TIPRL: variants seen among roughly 807,000 people sequenced by gnomAD.
TIPRL encodes the protein TOR signaling pathway regulator.
A neutral mutation model predicts 32.3 loss-of-function variants in TIPRL; 10 were observed. That is an observed-to-expected ratio of 0.31 (90% confidence interval 0.19 to 0.52). The LOEUF (loss-of-function observed/expected upper bound fraction) is 0.52. Ranked by LOEUF, TIPRL falls within the 20% of genes least tolerant of loss-of-function variation. The pLI, the probability that TIPRL is intolerant of heterozygous loss-of-function variation, is 0.96. For synonymous variants in TIPRL, 100 were observed against 114.0 expected, an observed-to-expected ratio of 0.88 and a Z score of 0.78; for missense variants, 250 against 328.1, an observed-to-expected ratio of 0.76 and a Z score of 1.84.
At position 168,200,585 on chromosome 1, in the gene TIPRL, A is replaced by G. The variant is rs914849868; in HGVS notation, c.*539A>G. 4 of 144,606 alleles carry G rather than the reference A, an allele frequency of 2.8e-5. No homozygotes were observed. Among genetic ancestry groups the G allele is most frequent in the African/African-American group, 1.1e-4 (4 of 37,476 alleles). The allele number at this position is 144,606 out of a possible 1,614,324, so 9.0% of individuals were successfully genotyped here. A position where few individuals can be genotyped will look rare whatever the true frequency, so the allele number is the denominator to read the frequency against. ...AAATTTTAAAAATGTATTTCCCCCC[A>G]GTTTTAAATTGCCTTTGAAATTTAA... On this transcript the variant is annotated 3_prime_UTR_variant, in exon 7 of 7. Transcript: ENST00000367833.
intron 4 of TIPRL, chr1:168,192,142 C>A: frequency 7.3e-7 from 1 of 1,370,376 alleles, no homozygotes; most frequent in South Asian, 1.7e-5. Flanking sequence ...AGGTGGATGT[C>A]ATTTTTTAAA....
intron 3 of TIPRL, among the ~76,000 whole-genome samples, chr1:168,190,639 G>A (rs753160891): frequency 2.0e-5 from 3 of 152,176 alleles, no homozygotes; most frequent in Non-Finnish European, 4.4e-5. Context: ...TGAGCATTTT[G>A]TAGTGAAATT....
chr1:168,196,143 T>G (rs932204724), intron 4 of TIPRL, among the ~76,000 whole-genome samples: 8 of 152,224 alleles, frequency 5.3e-5, no homozygotes, highest in Non-Finnish European at 8.8e-5. Flanking sequence ...TTGCTTTGTT[T>G]TATGTAAAGT....
At chr1:168,192,396 C>T (rs1572435055) in intron 4 of TIPRL, 9 of 1,010,306 alleles carry the variant, frequency 8.9e-6, no homozygotes, top group Non-Finnish European at 1.1e-5. Context: ...AGAAAACACA[C>T]ATAACAAGTA....
chr1:168,184,229 A>G, intron 2 of TIPRL, 148 bp downstream of exon 2: 1 of 845,120 alleles, frequency 1.2e-6, no homozygotes. Flanking sequence ...ATCATTCTAG[A>G]ATTCGTTTTT....
chr1:168,179,708 C>A (rs1296414001), intron 1 of TIPRL, among the ~76,000 whole-genome samples: 1 of 152,112 alleles, frequency 6.6e-6, no homozygotes, highest in African/African-American at 2.4e-5. Flanking sequence ...CTTTTAGGGG[C>A]TCGAACCATC....
chr1:168,185,578 C>T (rs1033554378), intron 3 of TIPRL, among the ~76,000 whole-genome samples: 4 of 148,952 alleles, frequency 2.7e-5, no homozygotes, highest in Non-Finnish European at 5.9e-5. Flanking sequence ...CGAGACTAGC[C>T]TGACCAACAT....
At chr1:168,199,113 A>G in intron 6 of TIPRL, 132 bp downstream of exon 6, 2 of 634,972 alleles carry the variant, frequency 3.1e-6, no homozygotes, top group South Asian at 4.4e-5. Context: ...GGGGCTCTAT[A>G]GGATAAATTC....
rs183391126 is a variant in TIPRL at position 168,201,183 on chromosome 1, T to C, written c.*1137T>C. ...AAAATGGTTGTCATAAAGTGGAAAG[T>C]GATTAAAAAGCATCAAATAAGAAAT... is the stretch of plus-strand genomic sequence containing the variant. On this transcript the variant is annotated 3_prime_UTR_variant, in exon 7 of 7. Transcript: ENST00000367833. 6.4e-4 allele frequency: 97 copies of C among 152,262 alleles called. 1 individual carries two copies. The highest frequency in any genetic ancestry group is 2.3e-3 in the African/African-American group (95 of 41,560). The allele number at this position is 152,262 out of a possible 1,614,324, so 9.4% of individuals were successfully genotyped here. A position where few individuals can be genotyped will look rare whatever the true frequency, so the allele number is the denominator to read the frequency against.
chr1:168,197,122 T>C (rs759181922), intron 5 of TIPRL, among the ~76,000 whole-genome samples: 4 of 152,168 alleles, frequency 2.6e-5, no homozygotes, highest in Non-Finnish European at 5.9e-5. Context: ...GAGACCAGCC[T>C]GGCCAACATG....
At chr1:168,195,135 G>A (rs1198272619) in intron 4 of TIPRL, among the ~76,000 whole-genome samples, 2 of 152,208 alleles carry the variant, frequency 1.3e-5, no homozygotes, top group Non-Finnish European at 2.9e-5. Flanking sequence ...TCTCCAGGCA[G>A]TTAAGTCACT....
chr1:168,188,574 A>T (rs1700056266), intron 3 of TIPRL, among the ~76,000 whole-genome samples: 1 of 152,154 alleles, frequency 6.6e-6, no homozygotes, highest in African/African-American at 2.4e-5. Context: ...TTATTTAGCC[A>T]TTATTAGCTT....
intron 1 of TIPRL, among the ~76,000 whole-genome samples, chr1:168,181,430 T>C (rs1654235860): frequency 6.6e-6 from 1 of 151,412 alleles, no homozygotes; most frequent in South Asian, 2.1e-4. Flanking sequence ...AGGCTGGTCT[T>C]GAGCTCCTGA....
At chr1:168,195,151 T>C (rs1700138340) in intron 4 of TIPRL, among the ~76,000 whole-genome samples, 1 of 152,228 alleles carries the variant, frequency 6.6e-6, no homozygotes, top group African/African-American at 2.4e-5. Context: ...TCACTGTCAT[T>C]ACTGGGTTAT....
At chr1:168,193,787 A>G (rs1700124452) in intron 4 of TIPRL, among the ~76,000 whole-genome samples, 1 of 152,236 alleles carries the variant, frequency 6.6e-6, no homozygotes, top group African/African-American at 2.4e-5. Context: ...CTGTAGTGAA[A>G]TTTGTAGATG....
At chr1:168,191,242 A>T in intron 3 of TIPRL, 127 bp from the exon 4 acceptor site, 2 of 760,474 alleles carry the variant, frequency 2.6e-6, no homozygotes, top group Non-Finnish European at 3.9e-6. Context: ...ACCCAAATTT[A>T]GAACTGTGTG....
rs771008223 is a variant in TIPRL, at chr1:168,199,886, A to T, written c.676-17A>T. The T allele has an allele frequency of 1.2e-6, 2 of 1,607,424 alleles. No individual in the cohort carries two copies. Among genetic ancestry groups the T allele is most frequent in the South Asian group, 2.2e-5 (2 of 89,870 alleles). On this transcript the variant is annotated splice_polypyrimidine_tract_variant and intron_variant, in intron 6 of 6. Transcript: ENST00000367833. ...TACAGTAACTGAATATGCTAATATGATTTATGTATTTCCTAGCATGTTCCA... is the reference window on the plus strand; with the variant it reads ...TACAGTAACTGAATATGCTAATATGTTTTATGTATTTCCTAGCATGTTCCA...
At chr1:168,192,150 A>T (rs1284898329) in intron 4 of TIPRL, 2 of 1,395,554 alleles carry the variant, frequency 1.4e-6, no homozygotes, top group Non-Finnish European at 9.4e-7. Flanking sequence ...GTCATTTTTT[A>T]AAATGATCCA....
At chr1:168,192,057 T>A (rs1469442548) in intron 4 of TIPRL, 2 of 921,954 alleles carry the variant, frequency 2.2e-6, no homozygotes, top group Non-Finnish European at 1.4e-6. Context: ...GTTTATTATT[T>A]AACTCTAATG....
Sources: allele counts gnomAD v4.1 joint callset (sites outside exome capture counted in the v4.1 genomes callset), GRCh38; gene constraint gnomAD v4.1.1; transcripts MANE v1.5; gene names NCBI Gene and HGNC (gene_info 2026-07-23, HGNC 2026-07-21).